Variants in ANXA13 observed in about 807,000 individuals in gnomAD.
The protein encoded by ANXA13 is annexin A13, also known as annexin XIII.
In ANXA13, 36 loss-of-function variants were observed where a neutral mutation model predicts 46.6. The ratio of observed to expected loss-of-function variants is 0.77; its 90% CI spans 0.59 to 1.02. The LOEUF (loss-of-function observed/expected upper bound fraction) is 1.02. Among genes scored for constraint, ANXA13 ranks in the 50% least tolerant of loss-of-function variants. The pLI is 0.00. For synonymous variants in ANXA13, 163 were observed against 152.9 expected (o/e 1.07, Z -0.49); for missense variants, 417 against 396.5 (o/e 1.05, Z -0.44).
intron 3 of ANXA13, among the ~76,000 whole-genome samples, 192 bp from the exon 4 acceptor site, chr8:123,698,751 GAGGC>G (rs1045588369): frequency 2.0e-5 from 3 of 152,326 alleles, no homozygotes; most frequent in African/African-American, 7.2e-5. Context: ...GGCTGGCAGA[GAGGC>G]AGAGAGGAGC....
intron 9 of ANXA13, among the ~76,000 whole-genome samples, chr8:123,685,262 T>C (rs1813119986): frequency 6.6e-6 from 1 of 152,222 alleles, no homozygotes; most frequent in Non-Finnish European, 1.5e-5. Flanking sequence ...CAATCCGGGA[T>C]GTGGACTTGA....
At chr8:123,695,119 G>A (rs1046054120) in intron 6 of ANXA13, among the ~76,000 whole-genome samples, 1 of 151,998 alleles carries the variant, frequency 6.6e-6, no homozygotes, top group African/African-American at 2.4e-5. Flanking sequence ...TTGTGGAAGC[G>A]GCCCTGCTTG....
chr8:123,688,440 C>G (rs1377140492), intron 9 of ANXA13, among the ~76,000 whole-genome samples: 2 of 152,126 alleles, frequency 1.3e-5, no homozygotes, highest in East Asian at 3.9e-4. Flanking sequence ...TTATCAGCAG[C>G]ATGAAAACGG....
At chr8:123,722,040 C>T (rs897053099) in intron 1 of ANXA13, among the ~76,000 whole-genome samples, 2 of 152,128 alleles carry the variant, frequency 1.3e-5, no homozygotes, top group African/African-American at 2.4e-5. Flanking sequence ...TAGGGTGGCT[C>T]ATGCCAGTAA....
intron 1 of ANXA13, among the ~76,000 whole-genome samples, chr8:123,716,072 T>C (rs145638392): frequency 6.6e-6 from 1 of 152,224 alleles, no homozygotes; most frequent in East Asian, 1.9e-4. Flanking sequence ...GGACTTAATT[T>C]TTCCTTTTTT....
intron 1 of ANXA13, among the ~76,000 whole-genome samples, chr8:123,730,592 G>C (rs1814099361): frequency 1.3e-5 from 2 of 152,258 alleles, no homozygotes; most frequent in South Asian, 4.1e-4. Flanking sequence ...TTTGGAAAGA[G>C]AGTCTTTGTA....
intron 1 of ANXA13, among the ~76,000 whole-genome samples, chr8:123,716,872 A>G (rs1813767689): frequency 6.6e-6 from 1 of 152,180 alleles, no homozygotes; most frequent in African/African-American, 2.4e-5. Context: ...GAACTTCTGC[A>G]TACAGTGAGA....
intron 8 of ANXA13, among the ~76,000 whole-genome samples, chr8:123,689,265 A>T (rs888639094): frequency 2.7e-5 from 4 of 147,982 alleles, no homozygotes; most frequent in African/African-American, 9.8e-5. Context: ...TATAATATAT[A>T]TAATTAATAT....
intron 10 of ANXA13, among the ~76,000 whole-genome samples, chr8:123,681,596 G>T (rs578212144): frequency 2.5e-4 from 36 of 146,830 alleles, no homozygotes; most frequent in South Asian, 2.0e-3. Flanking sequence ...GTGTGTGTGT[G>T]TTCCACTAAA....
intron 4 of ANXA13, among the ~76,000 whole-genome samples, chr8:123,697,508 A>T (rs1202275682): frequency 6.6e-6 from 1 of 152,226 alleles, no homozygotes; most frequent in African/African-American, 2.4e-5. Flanking sequence ...CCCTGGCGGC[A>T]CTTCAGGAAA....
intron 1 of ANXA13, among the ~76,000 whole-genome samples, chr8:123,719,693 A>T (rs1272408224): frequency 1.3e-5 from 2 of 152,178 alleles, no homozygotes; most frequent in African/African-American, 4.8e-5. Context: ...GAGTCTGTGT[A>T]CTTGCGTGCT....
At chr8:123,719,574 T>C (rs1219976527) in intron 1 of ANXA13, among the ~76,000 whole-genome samples, 1 of 152,142 alleles carries the variant, frequency 6.6e-6, no homozygotes. Context: ...GAGTTGACAT[T>C]TGTGCTGGTT....
chr8:123,709,501 T>C (rs1386392934), intron 2 of ANXA13, among the ~76,000 whole-genome samples: 1 of 152,134 alleles, frequency 6.6e-6, no homozygotes, highest in East Asian at 1.9e-4. Flanking sequence ...TCAAGAATTC[T>C]TAACGCATTG....
At chr8:123,693,678 A>C in intron 7 of ANXA13, 33 bp downstream of exon 7, 2 of 1,563,702 alleles carry the variant, frequency 1.3e-6, no homozygotes, top group Non-Finnish European at 1.7e-6. Flanking sequence ...TTAAAAAAAG[A>C]ATTTGCAGAG....
chr8:123,698,430 C>A lies in ANXA13; in HGVS notation c.316G>T (p.Glu106Ter). The A allele has an allele frequency of 6.2e-7, 1 of 1,614,214 alleles. No homozygotes were observed. The highest frequency in any genetic ancestry group is 8.5e-7 in the Non-Finnish European group (1 of 1,180,026). The change falls in exon 4 of 11, where the codon GAG becomes TAG. Residue 106 changes from glutamate (E) to a stop codon, truncating the protein, a stop_gained. Transcript: ENST00000419625. LOFTEE classifies it high-confidence loss of function. ...CACAGGACCTCAATGAGGACGGACT[C>A]ATCTGTGCCCAGACCCTTCATAGCC... ...QKAMKGLGTD[E>*]SVLIEVLCTR... is the part of the protein sequence containing the mutation.
At chr8:123,725,128 T>C (rs1217995919) in intron 1 of ANXA13, among the ~76,000 whole-genome samples, 1 of 152,262 alleles carries the variant, frequency 6.6e-6, no homozygotes, top group African/African-American at 2.4e-5. Context: ...TAGTTATCTA[T>C]ATTTATGTCA....
chr8:123,716,075 C>A (rs1324008345), intron 1 of ANXA13, among the ~76,000 whole-genome samples: 1 of 152,106 alleles, frequency 6.6e-6, no homozygotes, highest in Admixed American at 6.5e-5. Context: ...CTTAATTTTT[C>A]CTTTTTTCCT....
intron 9 of ANXA13, among the ~76,000 whole-genome samples, chr8:123,686,847 G>C (rs1220019653): frequency 2.6e-5 from 4 of 152,188 alleles, no homozygotes; most frequent in Non-Finnish European, 5.9e-5. Context: ...GGAGCGGGGT[G>C]GGAAGTGTCT....
At chr8:123,722,795 G>A (rs1383262304) in intron 1 of ANXA13, among the ~76,000 whole-genome samples, 6 of 152,144 alleles carry the variant, frequency 3.9e-5, no homozygotes, top group Non-Finnish European at 8.8e-5. Flanking sequence ...GATGACTCAG[G>A]GCTGGCAGGG....
Sources: allele counts gnomAD v4.1 joint callset (sites outside exome capture counted in the v4.1 genomes callset), GRCh38; gene constraint gnomAD v4.1.1; transcripts MANE v1.5; gene names NCBI Gene and HGNC (gene_info 2026-07-23, HGNC 2026-07-21).